TRIOBP: variants seen among roughly 807,000 people sequenced by gnomAD.
The protein encoded by TRIOBP is TRIO and F-actin-binding protein.
In TRIOBP, 169 loss-of-function variants were observed where a neutral mutation model predicts 238.8. That is an observed-to-expected ratio of 0.71 (90% CI 0.62 to 0.80). The LOEUF is 0.80. Ranked by LOEUF, TRIOBP falls within the 30% of genes least tolerant of loss-of-function variation. TRIOBP has a pLI of 0.00. For missense variants in TRIOBP, 2,838 were observed against 3,122.6 expected (o/e 0.91, Z 2.17); for synonymous variants, 1,150 against 1,274.4 (o/e 0.90, Z 2.08).
intron 10 of TRIOBP, 55 bp from the exon 11 acceptor site, chr22:37,740,840 G>A (rs1924897960): frequency 6.4e-7 from 1 of 1,551,950 alleles, no homozygotes; most frequent in Admixed American, 2.0e-5. Context: ...TGTAGCCAGG[G>A]GTGCCCCCAT....
At chr22:37,729,601 CT>C (rs1299585282) in intron 7 of TRIOBP, among the ~76,000 whole-genome samples, 1 of 152,048 alleles carries the variant, frequency 6.6e-6, no homozygotes, top group Non-Finnish European at 1.5e-5. Flanking sequence ...ATTTTCTTTC[CT>C]TTTTTCCAGG....
chr22:37,723,420 C>T lies in TRIOBP; in HGVS notation c.864C>T (p.Asp288=), dbSNP rs776052655. Residue 288 remains aspartate (D), a synonymous_variant, in exon 7 of 24, where the codon GAC becomes GAT. Coordinates refer to ENST00000644935, the MANE Select transcript of TRIOBP (RefSeq NM_001039141.3). ...ASSPHRITQR[D]TSRASSTQQE... ...CTCCCCATCGAATCACCCAAAGGGA[C>T]ACCTCCAGGGCCTCATCCACCCAAC... The T allele has an allele frequency of 1.9e-6, 3 of 1,611,766 alleles. No homozygotes were observed. Among genetic ancestry groups the T allele is most frequent in the Middle Eastern group, 1.7e-4 (1 of 6,042 alleles).
intron 11 of TRIOBP, among the ~76,000 whole-genome samples, chr22:37,750,017 A>C (rs934122592): frequency 6.6e-6 from 1 of 152,142 alleles, no homozygotes; most frequent in African/African-American, 2.4e-5. Flanking sequence ...GGCGTGCCTG[A>C]CATGGTATGT....
At chr22:37,742,544 T>C (rs978127168) in intron 11 of TRIOBP, among the ~76,000 whole-genome samples, 3 of 152,210 alleles carry the variant, frequency 2.0e-5, no homozygotes, top group Non-Finnish European at 2.9e-5. Context: ...ATTACAGGCG[T>C]GAGTCACCCA....
intron 11 of TRIOBP, chr22:37,750,837 C>T (rs1217726262): frequency 4.5e-6 from 2 of 441,238 alleles, no homozygotes; most frequent in African/African-American, 4.0e-5. Flanking sequence ...TGTCACCGCC[C>T]ACTCCACTGA....
chr22:37,765,515 G>T (rs1195586889), intron 17 of TRIOBP, among the ~76,000 whole-genome samples, 155 bp from the exon 18 acceptor site: 2 of 151,978 alleles, frequency 1.3e-5, no homozygotes, highest in Non-Finnish European at 2.9e-5. Flanking sequence ...GAGCCGTGGG[G>T]TGGGGGTGGG....
intron 6 of TRIOBP, among the ~76,000 whole-genome samples, chr22:37,718,137 C>T (rs1216158016): frequency 6.6e-6 from 1 of 152,154 alleles, no homozygotes; most frequent in African/African-American, 2.4e-5. Flanking sequence ...GCTCCGAGTG[C>T]GGGGCCCACC....
In TRIOBP at chr22:37,725,108, G is replaced by A. The variant is rs376111106; in HGVS notation, c.2552G>A (p.Arg851Gln). The A allele has an allele frequency of 3.5e-5, 56 of 1,613,896 alleles. No homozygotes were observed. Among genetic ancestry groups the A allele is most frequent in the Admixed American group, 5.0e-5 (3 of 59,968 alleles). ...AACCTCAGACCCACTTGTACACAGC[G>A]GGACCGCACACAGTCCTTTTCCTTT... is the stretch of plus-strand genomic sequence containing the variant. ...RDNLRPTCTQRDRTQSFSFQR... is the reference protein window; with the variant it reads ...RDNLRPTCTQQDRTQSFSFQR... Residue 851 changes from arginine (R) to glutamine (Q), a missense_variant, in exon 7 of 24, where the codon CGG becomes CAG. Physicochemically the swap from Arg to Gln is conservative, Grantham distance 43. Coordinates refer to ENST00000644935, the MANE Select transcript of TRIOBP (RefSeq NM_001039141.3).
At chr22:37,699,867 CATTTATTT>C (rs894595367) in intron 2 of TRIOBP, among the ~76,000 whole-genome samples, 6 of 150,846 alleles carry the variant, frequency 4.0e-5, no homozygotes, top group African/African-American at 1.2e-4. Context: ...TTTTCATTTT[CATTTATTT>C]ATTTATTTAT....
At chr22:37,743,755 C>G (rs1303789965) in intron 11 of TRIOBP, among the ~76,000 whole-genome samples, 4 of 150,488 alleles carry the variant, frequency 2.7e-5, no homozygotes, top group African/African-American at 4.9e-5. Context: ...AGAAATTTTC[C>G]AGGCCAACAA....
chr22:37,759,622 C>T (rs1031846214), intron 17 of TRIOBP: 2 of 1,542,838 alleles, frequency 1.3e-6, no homozygotes, highest in South Asian at 1.2e-5. Flanking sequence ...GGCTAGTGGC[C>T]CCGAGAGTCA....
At chr22:37,759,486 C>T (rs1303980875) in intron 17 of TRIOBP, 2 of 1,599,506 alleles carry the variant, frequency 1.3e-6, no homozygotes, top group African/African-American at 2.7e-5. Context: ...ATGTGACTTG[C>T]CCAAGGTCAC....
At chr22:37,706,316 G>A (rs142864036) in intron 3 of TRIOBP, among the ~76,000 whole-genome samples, 16 of 152,262 alleles carry the variant, frequency 1.1e-4, no homozygotes, top group Non-Finnish European at 2.1e-4. Flanking sequence ...TTCAGGATCT[G>A]TCACTGACCA....
chr22:37,729,104 G>C (rs1924308249), intron 7 of TRIOBP, among the ~76,000 whole-genome samples: 2 of 152,052 alleles, frequency 1.3e-5, no homozygotes, highest in Admixed American at 1.3e-4. Context: ...TTTTAGTAGC[G>C]ACAGGGTTTC....
intron 6 of TRIOBP, among the ~76,000 whole-genome samples, chr22:37,717,731 A>G (rs1923597738): frequency 6.6e-6 from 1 of 152,220 alleles, no homozygotes; most frequent in Non-Finnish European, 1.5e-5. Context: ...AGCTAGACAT[A>G]AAGGTTCTCC....
rs200019928 is a variant in TRIOBP, at chr22:37,725,548, G to A, written c.2992G>A (p.Ala998Thr). 852 of 1,613,296 alleles carry A rather than the reference G, an allele frequency of 5.3e-4. 8 individuals carry two copies. Among genetic ancestry groups the A allele is most frequent in the Middle Eastern group, 5.1e-3 (31 of 6,062 alleles). The stretch of plus-strand genomic sequence containing the variant: ...CCGAACTTCCTCACCTGTGTACCCC[G>A]CTGCCTATGGGGCTCCCCTGACCTC... Reference protein sequence around the residue: ...TSRTSSPVYPAAYGAPLTSPE... With the variant: ...TSRTSSPVYPTAYGAPLTSPE... The change falls in exon 7 of 24, where the codon GCT (alanine) becomes ACT (threonine). Residue 998 changes from alanine to threonine, a missense_variant. Ala to Thr is a moderately conservative substitution (Grantham distance 58). Coordinates refer to ENST00000644935, the MANE Select transcript of TRIOBP (RefSeq NM_001039141.3).
intron 5 of TRIOBP, among the ~76,000 whole-genome samples, chr22:37,714,406 C>G (rs761624817): frequency 6.6e-6 from 1 of 152,190 alleles, no homozygotes; most frequent in African/African-American, 2.4e-5. Context: ...CGGTGGCTCA[C>G]GCCTGTAATC....
At chr22:37,700,839 G>A (rs149867973) in intron 2 of TRIOBP, among the ~76,000 whole-genome samples, 3,320 of 152,148 alleles carry the variant, frequency 0.022, 124 homozygotes, top group African/African-American at 0.076. Flanking sequence ...TTACAGGCAC[G>A]TGCCATCACA....
In TRIOBP at chr22:37,734,649, G is replaced by T; in HGVS notation, c.4313G>T (p.Gly1438Val). ...CAGGAGGAACCGCCAGGGTCCCAGG[G>T]CCCTCATAGACACCTAGAAAGGAGC... ...QSQEEPPGSQ[G>V]PHRHLERSWS... The change falls in exon 9 of 24, where the codon GGC becomes GTC. Residue 1438 changes from glycine (G) to valine (V), a missense_variant. Around this residue, in one of 5 missense-constraint regions of TRIOBP, gnomAD observed 2,096 missense variants for 2,137.4 expected, o/e 0.98. Coordinates refer to ENST00000644935, the MANE Select transcript of TRIOBP (RefSeq NM_001039141.3). The T allele has an allele frequency of 6.3e-7, 1 of 1,594,948 alleles. No homozygotes were observed. The highest frequency in any genetic ancestry group is 8.5e-7 in the Non-Finnish European group (1 of 1,171,430).
Sources: gnomAD v4.1 joint callset for allele counts (sites outside exome capture counted in the v4.1 genomes callset) on GRCh38, gnomAD v4.1.1 for gene constraint, gnomAD v4.1.1 regional missense constraint, MANE v1.5 for transcripts, NCBI Gene and HGNC (gene_info 2026-07-23, HGNC 2026-07-21) for gene names.